ARL15: variants seen among roughly 807,000 people sequenced by gnomAD.
ARL15 encodes the protein ARF like GTPase 15, also known as ADP-ribosylation factor-like protein 15.
In ARL15, 19 loss-of-function variants were observed where a neutral mutation model predicts 25.2. The ratio of observed to expected loss-of-function variants is 0.75; its 90% CI spans 0.53 to 1.10. ARL15 has a LOEUF of 1.10. Among genes scored for constraint, ARL15 ranks in the 50% least tolerant of loss-of-function variants. The pLI, the probability that ARL15 is intolerant of heterozygous loss-of-function variation, is 0.00. For missense variants in ARL15, 220 were observed against 246.0 expected (o/e 0.89, Z 0.71); for synonymous variants, 94 against 86.8 (o/e 1.08, Z -0.46).
chr5:53,908,604 T>C lies in ARL15; in HGVS notation c.463-21891A>G, dbSNP rs560342970. On this transcript the variant is annotated intron_variant, in intron 4 of 4. Transcript: ENST00000504924. The stretch of plus-strand genomic sequence containing the variant: ...GGGACAACTGTAAAGGGTTTGGTAC[T>C]ATCTGTAGTTTCAGGCATCCACAGG... Among the ~76,000 whole-genome samples the C allele has an allele frequency of 2.6e-5, 4 of 152,340 alleles. No individual in the cohort carries two copies. In the South Asian group the frequency reaches 6.2e-4, roughly 24 times the overall value.
At chr5:54,220,691 T>A (rs2112529921) in intron 1 of ARL15, among the ~76,000 whole-genome samples, 1 of 152,312 alleles carries the variant, frequency 6.6e-6, no homozygotes, top group South Asian at 2.1e-4. Context: ...CAAGTTTGTT[T>A]ACTAGTGAAA....
At chr5:54,028,335 A>G (rs1749854329) in intron 4 of ARL15, among the ~76,000 whole-genome samples, 1 of 152,140 alleles carries the variant, frequency 6.6e-6, no homozygotes, top group Admixed American at 6.6e-5. Flanking sequence ...CCCCACAGCC[A>G]TATGTGTTAT....
intron 1 of ARL15, among the ~76,000 whole-genome samples, chr5:54,272,540 T>A (rs1757816789): frequency 6.6e-6 from 1 of 152,130 alleles, no homozygotes; most frequent in Non-Finnish European, 1.5e-5. Context: ...TCACTTAAGT[T>A]GCAAAATTCA....
At chr5:54,282,452 G>T (rs1758082320) in intron 1 of ARL15, 2 of 985,238 alleles carry the variant, frequency 2.0e-6, no homozygotes, top group Non-Finnish European at 2.4e-6. Context: ...GTTTTATGAG[G>T]AAGTGGCTGA....
At chr5:53,921,092 C>G (rs368899746) in intron 4 of ARL15, among the ~76,000 whole-genome samples, 2 of 152,126 alleles carry the variant, frequency 1.3e-5, no homozygotes, top group Non-Finnish European at 2.9e-5. Context: ...GGCAAGACAT[C>G]GAGAATGTAA....
chr5:54,275,027 T>C (rs763037691), intron 1 of ARL15, among the ~76,000 whole-genome samples: 1 of 152,226 alleles, frequency 6.6e-6, no homozygotes, highest in Admixed American at 6.5e-5. Flanking sequence ...ATAAACTATA[T>C]TGATATCATA....
At chr5:54,210,554 C>G (rs563604864) in intron 1 of ARL15, among the ~76,000 whole-genome samples, 1 of 152,280 alleles carries the variant, frequency 6.6e-6, no homozygotes, top group South Asian at 2.1e-4. Context: ...AACATTCTAT[C>G]CCCCAGAATA....
intron 1 of ARL15, among the ~76,000 whole-genome samples, chr5:54,175,836 G>A (rs1301901073): frequency 1.3e-5 from 2 of 151,786 alleles, no homozygotes; most frequent in Non-Finnish European, 2.9e-5. Flanking sequence ...TATCTTTGTA[G>A]AGATGGGGTT....
At chr5:53,921,884 C>T (rs1382185616) in intron 4 of ARL15, among the ~76,000 whole-genome samples, 1 of 152,208 alleles carries the variant, frequency 6.6e-6, no homozygotes, top group East Asian at 1.9e-4. Context: ...TATTGATTCT[C>T]AACACTGAGC....
At chr5:54,155,193 C>T (rs1754191324) in intron 2 of ARL15, among the ~76,000 whole-genome samples, 1 of 152,092 alleles carries the variant, frequency 6.6e-6, no homozygotes, top group African/African-American at 2.4e-5. Flanking sequence ...CCCTTTACTT[C>T]AAAATATTGC....
chr5:54,033,845 G>A (rs1297891425), intron 4 of ARL15, among the ~76,000 whole-genome samples: 2 of 152,026 alleles, frequency 1.3e-5, no homozygotes, highest in Non-Finnish European at 2.9e-5. Context: ...ACAGAGTCTC[G>A]CTTTGTCGCC....
intron 1 of ARL15, among the ~76,000 whole-genome samples, chr5:54,199,554 C>G (rs1186159125): frequency 6.6e-6 from 1 of 151,820 alleles, no homozygotes; most frequent in Non-Finnish European, 1.5e-5. Context: ...TGCTCACCAT[C>G]ACTGGCCATC....
intron 4 of ARL15, among the ~76,000 whole-genome samples, chr5:53,889,647 C>CAA (rs1744650208): frequency 6.6e-6 from 1 of 152,180 alleles, no homozygotes. Flanking sequence ...TTTATGGTAT[C>CAA]AATTTTTAAA....
intron 4 of ARL15, among the ~76,000 whole-genome samples, chr5:54,071,985 A>G (rs1261692646): frequency 1.3e-5 from 2 of 151,508 alleles, no homozygotes; most frequent in South Asian, 2.1e-4. Flanking sequence ...AAAAGAAAAA[A>G]AAAAAAAAAA....
rs143305277 is a variant in ARL15, at chr5:53,955,813, T to C, written c.463-69100A>G. 4.8e-3 allele frequency among the ~76,000 whole-genome samples: 737 copies of C among 152,318 alleles called. 7 individuals are homozygous for C. The highest frequency in any genetic ancestry group is 0.015 in the African/African-American group (623 of 41,566). ...GTTCTGAAGGCTGCACAGTGTACCT[T>C]ATTTACAAAGAATTGTTTTTGTCAT... On this transcript the variant is annotated intron_variant, in intron 4 of 4. Transcript: ENST00000504924.
At chr5:53,907,443 T>C (rs1206742070) in intron 4 of ARL15, among the ~76,000 whole-genome samples, 1 of 127,562 alleles carries the variant, frequency 7.8e-6, no homozygotes, top group Non-Finnish European at 1.6e-5. Context: ...GGTTGAAAGG[T>C]TGGCTTAAGA....
chr5:54,172,807 C>G (rs767403772), intron 1 of ARL15, among the ~76,000 whole-genome samples: 4 of 152,176 alleles, frequency 2.6e-5, no homozygotes, highest in African/African-American at 4.8e-5. Context: ...TTTTTAAAAT[C>G]ATTAAATAGA....
At chr5:54,291,077 A>C (rs1370995314) in intron 1 of ARL15, among the ~76,000 whole-genome samples, 5 of 152,232 alleles carry the variant, frequency 3.3e-5, no homozygotes, top group African/African-American at 9.6e-5. Context: ...GGTTCAAAAA[A>C]ATTTCTATTT....
At chr5:54,181,655 C>T (rs1235133365) in intron 1 of ARL15, among the ~76,000 whole-genome samples, 4 of 152,122 alleles carry the variant, frequency 2.6e-5, no homozygotes, top group East Asian at 1.9e-4. Context: ...GCTAGGTGGT[C>T]GGGCACAGTC....
Sources: allele counts gnomAD v4.1 joint callset (sites outside exome capture counted in the v4.1 genomes callset), GRCh38; gene constraint gnomAD v4.1.1; transcripts MANE v1.5; gene names NCBI Gene and HGNC (gene_info 2026-07-23, HGNC 2026-07-21).